The following AQP7B variants were observed in gnomAD, a reference collection of about 807,000 sequenced individuals.
AQP7B encodes putative aquaporin-7B.
the AQP7B span, chr2:94,594,637 G>A: frequency 5.5e-6 from 4 of 724,940 alleles, no homozygotes; most frequent in African/African-American, 5.3e-5. Context: ...GGCGTGTGTG[G>A]CGAGGCTGCT....
chr2:94,593,430 G>A, the AQP7B span, among the ~76,000 whole-genome samples: 2 of 150,958 alleles, frequency 1.3e-5, no homozygotes, highest in East Asian at 2.0e-4. Flanking sequence ...CAGTGAGATA[G>A]CAGAGTGACT....
At chr2:94,602,883 G>A in the AQP7B span, among the ~76,000 whole-genome samples, 1 of 152,140 alleles carries the variant, frequency 6.6e-6, no homozygotes, top group African/African-American at 2.4e-5. Flanking sequence ...GAGTGAAGGT[G>A]GCCCCTGCCT....
chr2:94,590,349 ATT>A, the AQP7B span, among the ~76,000 whole-genome samples: 2 of 147,904 alleles, frequency 1.4e-5, no homozygotes, highest in Non-Finnish European at 1.5e-5. Context: ...CGCCCAGCTA[ATT>A]TTTTTTTTTT....
At chr2:94,587,705 C>T in the AQP7B span, among the ~76,000 whole-genome samples, 1 of 152,124 alleles carries the variant, frequency 6.6e-6, no homozygotes, top group Admixed American at 6.5e-5. Flanking sequence ...GGACTATCAG[C>T]AGACCATGGG....
the AQP7B span, among the ~76,000 whole-genome samples, chr2:94,597,353 A>T: frequency 1.3e-5 from 2 of 152,166 alleles, no homozygotes; most frequent in Non-Finnish European, 2.9e-5. Flanking sequence ...CACATGCTTG[A>T]TACCTGCCCA....
At chr2:94,603,196 C>T in the AQP7B span, 3 of 1,462,582 alleles carry the variant, frequency 2.1e-6, no homozygotes. Flanking sequence ...GCCTGGGTGT[C>T]CACCTCTGGC....
the AQP7B span, among the ~76,000 whole-genome samples, chr2:94,600,876 CAAAA>C: frequency 1.2e-5 from 1 of 84,580 alleles, no homozygotes; most frequent in African/African-American, 3.9e-5. Context: ...AAGACTGTCT[CAAAA>C]AAAAAAAAAA....
the AQP7B span, among the ~76,000 whole-genome samples, chr2:94,599,310 C>A: frequency 6.6e-6 from 1 of 152,252 alleles, no homozygotes; most frequent in Non-Finnish European, 1.5e-5. Flanking sequence ...AAAGCCAGCC[C>A]AGCTCTGGGC....
chr2:94,588,629 A>T, the AQP7B span: 2 of 759,354 alleles, frequency 2.6e-6, no homozygotes, highest in Admixed American at 4.3e-5. Context: ...CTCCATCCTC[A>T]GCCTCTCCCT....
chr2:94,603,385 G>A, the AQP7B span: 41 of 1,604,134 alleles, frequency 2.6e-5, 1 homozygote, highest in Middle Eastern at 3.3e-4. Flanking sequence ...CTCCGCAGCG[G>A]CCATTCTCCA....
the AQP7B span, among the ~76,000 whole-genome samples, chr2:94,598,854 T>G: frequency 1.3e-5 from 2 of 152,188 alleles, no homozygotes; most frequent in African/African-American, 4.8e-5. Context: ...TTGCCCAGGC[T>G]GGAGTGCAGT....
chr2:94,603,006 A>T, the AQP7B span: 2 of 1,579,398 alleles, frequency 1.3e-6, no homozygotes, highest in Admixed American at 1.8e-5. Context: ...TTCTGCTCTC[A>T]CTCCCTGACA....
chr2:94,603,446 T>C, the AQP7B span: 1 of 1,611,886 alleles, frequency 6.2e-7, no homozygotes, highest in Non-Finnish European at 8.5e-7. Flanking sequence ...ACAGCTGGCA[T>C]TTTTGCCACC....
At chr2:94,598,352 G>T in the AQP7B span, among the ~76,000 whole-genome samples, 1 of 152,208 alleles carries the variant, frequency 6.6e-6, no homozygotes, top group Non-Finnish European at 1.5e-5. Flanking sequence ...GCTTCCAGGG[G>T]TGTTGCCCTT....
At chr2:94,604,371 T>C in the AQP7B span, 2 of 1,611,462 alleles carry the variant, frequency 1.2e-6, no homozygotes, top group South Asian at 2.2e-5. Flanking sequence ...CTGGTCTTCA[T>C]TGGCTCCACC....
chr2:94,598,865 G>T, the AQP7B span, among the ~76,000 whole-genome samples: 1 of 152,096 alleles, frequency 6.6e-6, no homozygotes, highest in East Asian at 1.9e-4. Context: ...GGAGTGCAGT[G>T]GTGTGATCTC....
chr2:94,593,295 G>A, the AQP7B span, among the ~76,000 whole-genome samples: 2 of 151,746 alleles, frequency 1.3e-5, no homozygotes, highest in African/African-American at 4.8e-5. Flanking sequence ...CTCTGGGGAG[G>A]CAGGAGACCA....
At chr2:94,590,944 CAAAAA>C in the AQP7B span, among the ~76,000 whole-genome samples, 5 of 49,092 alleles carry the variant, frequency 1.0e-4, no homozygotes, top group African/African-American at 2.6e-4. Flanking sequence ...GACCCTGTCT[CAAAAA>C]AAAAAAAAAA....
At chr2:94,595,190 T>G in the AQP7B span, among the ~76,000 whole-genome samples, 1 of 152,208 alleles carries the variant, frequency 6.6e-6, no homozygotes, top group South Asian at 2.1e-4. Context: ...ATTCCAGCAC[T>G]TTGGGAGGCT....
Sources: gnomAD v4.1 joint callset for allele counts (sites outside exome capture counted in the v4.1 genomes callset) on GRCh38, gnomAD v4.1.1 for gene constraint, MANE v1.5 for transcripts, NCBI Gene and HGNC (gene_info 2026-07-23, HGNC 2026-07-21) for gene names.